MYO10: variants seen among roughly 807,000 people sequenced by gnomAD.
MYO10 encodes myosin X, also known as unconventional myosin-X.
Under a neutral mutation model 257.3 loss-of-function variants are expected in MYO10, and 133 were observed. The observed-to-expected ratio is 0.52, with a 90% CI of 0.45 to 0.60. The LOEUF is 0.60. Ranked by LOEUF, MYO10 falls within the 20% of genes least tolerant of loss-of-function variation. The pLI is 0.00. For missense variants in MYO10, 2,399 were observed against 2,635.7 expected, an observed-to-expected ratio of 0.91 and a Z score of 1.97; for synonymous variants, 1,104 against 1,028.6, an observed-to-expected ratio of 1.07 and a Z score of -1.40.
At chr5:16,906,373 T>C (rs564298490) in intron 1 of MYO10, among the ~76,000 whole-genome samples, 6 of 152,316 alleles carry the variant, frequency 3.9e-5, no homozygotes, top group Middle Eastern at 3.4e-3. Flanking sequence ...CTGAGGACGG[T>C]AGGAAGTTTA....
chr5:16,879,695 AAATC>A (rs1432707168), intron 1 of MYO10, among the ~76,000 whole-genome samples: 1 of 152,198 alleles, frequency 6.6e-6, no homozygotes, highest in African/African-American at 2.4e-5. Flanking sequence ...ATTCATAAAT[AAATC>A]AAAGGCACTC....
chr5:16,780,423 T>C (rs1016434134), intron 8 of MYO10, 101 bp downstream of exon 8: 25 of 1,114,722 alleles, frequency 2.2e-5, no homozygotes, highest in Non-Finnish European at 3.0e-5. Context: ...TTGCTATCGG[T>C]GAAATGTCAA....
At chr5:16,851,867 A>G (rs554818383) in intron 2 of MYO10, among the ~76,000 whole-genome samples, 19 of 152,122 alleles carry the variant, frequency 1.2e-4, no homozygotes, top group African/African-American at 3.9e-4. Flanking sequence ...CCTGGCCAAC[A>G]TGATGAAACC....
chr5:16,733,413 T>C (rs887963376), intron 19 of MYO10, among the ~76,000 whole-genome samples: 2 of 152,110 alleles, frequency 1.3e-5, no homozygotes, highest in Non-Finnish European at 2.9e-5. Flanking sequence ...AGCTGATTTA[T>C]AAATATTCAT....
rs55857418 is a variant in MYO10, at chr5:16,837,099, T to C, written c.121-18932A>G. Reference sequence around the variant, plus strand: ...GCCGAGGCGGGCAGATCACCTGAGGTCAGGAGTTCGAGACCAGCCTGACCA... The same window carrying C: ...GCCGAGGCGGGCAGATCACCTGAGGCCAGGAGTTCGAGACCAGCCTGACCA... On this transcript the variant is annotated intron_variant, in intron 2 of 40. Transcript: ENST00000513610. Among the ~76,000 whole-genome samples the C allele has an allele frequency of 1.9e-3, 286 of 151,950 alleles. 1 individual carries two copies. The highest frequency in any genetic ancestry group is 6.7e-3 in the African/African-American group (276 of 41,448).
intron 21 of MYO10, among the ~76,000 whole-genome samples, chr5:16,709,638 G>A (rs921170150): frequency 6.6e-6 from 1 of 152,168 alleles, no homozygotes; most frequent in Non-Finnish European, 1.5e-5. Flanking sequence ...CTGAGGTCCA[G>A]AAAAGAACAA....
Position 16,753,290 on chromosome 5 carries a change from C to T in MYO10, c.1929+1538G>A, listed in dbSNP as rs1265115399. On this transcript the variant is annotated intron_variant, in intron 19 of 40. Coordinates refer to ENST00000513610, the MANE Select transcript of MYO10 (RefSeq NM_012334.3). The stretch of plus-strand genomic sequence containing the variant: ...CAGGCAATTCTCCTGCCTCAGCCTC[C>T]CAAGTAGGTGGGACTACAGGCACCT... Among the ~76,000 whole-genome samples, 3 of 151,936 alleles carry T rather than the reference C, an allele frequency of 2.0e-5. 1 individual carries two copies. In the East Asian group the frequency reaches 5.8e-4, roughly 29 times the overall value.
intron 4 of MYO10, among the ~76,000 whole-genome samples, chr5:16,785,411 A>G (rs1466277685): frequency 6.6e-6 from 1 of 152,240 alleles, no homozygotes; most frequent in Non-Finnish European, 1.5e-5. Context: ...ACATATCTAT[A>G]TTGACGCGAC....
intron 10 of MYO10, among the ~76,000 whole-genome samples, chr5:16,767,786 T>G (rs2126655733): frequency 6.6e-6 from 1 of 152,210 alleles, no homozygotes; most frequent in African/African-American, 2.4e-5. Flanking sequence ...CAAGAGATTC[T>G]CGTGCCTCAG....
intron 19 of MYO10, chr5:16,713,545 A>T: frequency 2.3e-6 from 2 of 857,794 alleles, no homozygotes; most frequent in Non-Finnish European, 2.8e-6. Context: ...GATTTGACAC[A>T]GCCAGGGGAG....
chr5:16,815,337 A>C (rs1032989245), intron 3 of MYO10: 4 of 653,526 alleles, frequency 6.1e-6, no homozygotes, highest in Admixed American at 2.6e-5. Context: ...TTTAAGTTAA[A>C]TTCAAAATCC....
At chr5:16,763,104 T>C (rs10475087) in intron 14 of MYO10, among the ~76,000 whole-genome samples, 2,786 of 152,080 alleles carry the variant, frequency 0.018, 72 homozygotes, top group African/African-American at 0.063. Context: ...TGATACACTA[T>C]AGAGAAAACC....
At chr5:16,839,357 A>G (rs1743402765) in intron 2 of MYO10, among the ~76,000 whole-genome samples, 1 of 152,190 alleles carries the variant, frequency 6.6e-6, no homozygotes, top group Non-Finnish European at 1.5e-5. Context: ...TCAGTGGAGG[A>G]AGTCATTGCA....
chr5:16,668,837 T>C (rs1410530936), intron 39 of MYO10, among the ~76,000 whole-genome samples: 1 of 152,210 alleles, frequency 6.6e-6, no homozygotes, highest in Non-Finnish European at 1.5e-5. Context: ...AAGCCAAGTC[T>C]ACTCTTGTAT....
intron 2 of MYO10, among the ~76,000 whole-genome samples, chr5:16,874,355 G>C (rs1257467323): frequency 3.8e-5 from 4 of 106,148 alleles, no homozygotes; most frequent in Admixed American, 1.0e-4. Context: ...GGGGGGGGGG[G>C]GGGGTTTCTT....
intron 2 of MYO10, among the ~76,000 whole-genome samples, chr5:16,846,769 C>T (rs1025721456): frequency 3.9e-5 from 6 of 152,198 alleles, no homozygotes; most frequent in Non-Finnish European, 8.8e-5. Flanking sequence ...TGCAAACCAA[C>T]CTAGAAAGGT....
intron 19 of MYO10, among the ~76,000 whole-genome samples, chr5:16,711,799 G>T (rs1383513678): frequency 6.6e-6 from 1 of 151,694 alleles, no homozygotes; most frequent in Non-Finnish European, 1.5e-5. Context: ...AAAAAAAAAG[G>T]AAAATCCCAA....
At chr5:16,837,637 A>T (rs989710565) in intron 2 of MYO10, among the ~76,000 whole-genome samples, 2 of 152,156 alleles carry the variant, frequency 1.3e-5, no homozygotes, top group African/African-American at 4.8e-5. Context: ...GTTACATCTC[A>T]ATAAAACTGT....
At chr5:16,718,272 G>C (rs1026251828) in intron 19 of MYO10, among the ~76,000 whole-genome samples, 6 of 152,336 alleles carry the variant, frequency 3.9e-5, no homozygotes, top group South Asian at 2.1e-4. Flanking sequence ...GAGCCTCCCT[G>C]ACGAGCACCG....
Sources: allele counts gnomAD v4.1 joint callset (sites outside exome capture counted in the v4.1 genomes callset), GRCh38; gene constraint gnomAD v4.1.1; transcripts MANE v1.5; gene names NCBI Gene and HGNC (gene_info 2026-07-23, HGNC 2026-07-21).